The following WARS2 variants were observed in gnomAD, a reference collection of about 807,000 sequenced individuals.
The protein encoded by WARS2 is tryptophanyl tRNA synthetase 2, mitochondrial, also known as tryptophan--tRNA ligase, mitochondrial.
WARS2 carries 28 observed loss-of-function variants against 36.5 expected under a neutral mutation model. That is an observed-to-expected ratio of 0.77 (90% confidence interval 0.57 to 1.05). The LOEUF (loss-of-function observed/expected upper bound fraction) is 1.05. Among genes scored for constraint, WARS2 ranks in the 50% least tolerant of loss-of-function variants. The probability of loss-of-function intolerance (pLI) is 0.00; values close to 1 mark genes in which losing one functional copy is unlikely to be tolerated. For missense variants in WARS2, 435 were observed against 456.8 expected (o/e 0.95, Z 0.44); for synonymous variants, 174 against 178.4 (o/e 0.98, Z 0.20).
chr1:119,050,936 TA>T (rs1557942797), intron 2 of WARS2, among the ~76,000 whole-genome samples: 1 of 152,176 alleles, frequency 6.6e-6, no homozygotes, highest in Non-Finnish European at 1.5e-5. Context: ...ATAATGTTTT[TA>T]ATATAAAAAA....
intron 4 of WARS2, among the ~76,000 whole-genome samples, chr1:119,038,840 C>T (rs1648099949): frequency 6.6e-6 from 1 of 152,050 alleles, no homozygotes. Flanking sequence ...ACCACCACGC[C>T]CGGCTAATTT....
At position 119,101,773 on chromosome 1, in the gene WARS2, G is replaced by C. The variant is rs1653883050; in HGVS notation, c.91-25166C>G. Among the ~76,000 whole-genome samples the C allele has an allele frequency of 4.6e-5, 7 of 152,168 alleles. No homozygotes were observed. The East Asian group carries it at 1.4e-3, about 29-fold the overall frequency. ...CATTCTGATGAGGACACAAGAGCAG[G>C]AAAGAGCAGGCTCCTTAAGGGCCAC... On this transcript the variant is annotated intron_variant, in intron 1 of 5. Coordinates refer to ENST00000235521, the MANE Select transcript of WARS2 (RefSeq NM_015836.4).
chr1:119,081,490 ACAGT>A (rs1258092848), intron 1 of WARS2, among the ~76,000 whole-genome samples: 1 of 152,236 alleles, frequency 6.6e-6, no homozygotes, highest in Non-Finnish European at 1.5e-5. Context: ...TGTTTTAACT[ACAGT>A]CAAAGGTAAA....
At chr1:119,090,623 A>T (rs1652976308) in intron 1 of WARS2, among the ~76,000 whole-genome samples, 1 of 152,224 alleles carries the variant, frequency 6.6e-6, no homozygotes, top group African/African-American at 2.4e-5. Context: ...CTGTAATGCC[A>T]ATACTTTGGG....
chr1:119,071,374 C>G (rs575749361), intron 2 of WARS2, among the ~76,000 whole-genome samples: 1 of 152,232 alleles, frequency 6.6e-6, no homozygotes, highest in South Asian at 2.1e-4. Context: ...ATCAGTATGT[C>G]AAAGACACAT....
chr1:119,076,718 G>A, intron 1 of WARS2, 111 bp from the exon 2 acceptor site: 1 of 1,449,194 alleles, frequency 6.9e-7, no homozygotes, highest in East Asian at 2.3e-5. Flanking sequence ...ACTACAATCT[G>A]ACAGTCATCA....
intron 1 of WARS2, among the ~76,000 whole-genome samples, chr1:119,104,904 T>G (rs910840616): frequency 1.3e-5 from 2 of 152,126 alleles, no homozygotes; most frequent in African/African-American, 4.8e-5. Context: ...AGGCCTTGTA[T>G]GCTATGACAA....
At chr1:119,137,621 C>G (rs1407909278) in intron 1 of WARS2, among the ~76,000 whole-genome samples, 1 of 152,172 alleles carries the variant, frequency 6.6e-6, no homozygotes, top group Admixed American at 6.5e-5. Context: ...TGATGACAGG[C>G]TTAAATTTAC....
intron 1 of WARS2, among the ~76,000 whole-genome samples, chr1:119,123,909 T>C (rs1655488007): frequency 6.6e-6 from 1 of 152,082 alleles, no homozygotes; most frequent in African/African-American, 2.4e-5. Context: ...TACATCTCCA[T>C]CTATACCTCT....
In WARS2 at chr1:119,042,305, G is replaced by C; in HGVS notation, c.474C>G (p.Leu158=). The C allele has an allele frequency of 6.2e-7, 1 of 1,613,820 alleles. No homozygotes were observed. The highest frequency in any genetic ancestry group is 8.5e-7 in the Non-Finnish European group (1 of 1,179,906). The change falls in exon 4 of 6, where the codon CTC becomes CTG. Residue 158 remains leucine, a synonymous_variant. Coordinates refer to ENST00000235521, the MANE Select transcript of WARS2 (RefSeq NM_015836.4). ...KQKHDGTVGL[L]TYPVLQAADI... is the part of the protein sequence containing the mutation. ...CGGCTGCCTGGAGTACTGGGTATGT[G>C]AGCAGGCCCACCGTGCCATCGTGCT...
intron 2 of WARS2, among the ~76,000 whole-genome samples, chr1:119,066,439 T>C (rs762820770): frequency 5.0e-4 from 71 of 142,070 alleles, no homozygotes; most frequent in South Asian, 8.7e-4. Context: ...GATCATGCCA[T>C]TGCACTCCAG....
rs145024804 is a variant in WARS2 at position 119,125,402 on chromosome 1, C to T, written c.90+15153G>A. 3.9e-4 allele frequency among the ~76,000 whole-genome samples: 60 copies of T among 152,320 alleles called. 2 individuals are homozygous for T. In the South Asian group the frequency reaches 0.012, roughly 30 times the overall value. On this transcript the variant is annotated intron_variant, in intron 1 of 5. Transcript: ENST00000235521. ...CTCCATATCACTATTATCTAACATACTATATATCTTAATTACTTGTTGCCT... is the reference window on the plus strand; with the variant it reads ...CTCCATATCACTATTATCTAACATATTATATATCTTAATTACTTGTTGCCT...
intron 1 of WARS2, among the ~76,000 whole-genome samples, chr1:119,092,691 T>C (rs995408321): frequency 6.6e-6 from 1 of 152,220 alleles, no homozygotes; most frequent in African/African-American, 2.4e-5. Flanking sequence ...CTTTGGCAAG[T>C]ATTTGTGCCT....
chr1:119,034,241 A>C, intron 4 of WARS2, 28 bp from the exon 5 acceptor site: 1 of 1,567,056 alleles, frequency 6.4e-7, no homozygotes, highest in South Asian at 1.1e-5. Flanking sequence ...CAGAAAAACA[A>C]CAGCAAGGCT....
intron 2 of WARS2, among the ~76,000 whole-genome samples, chr1:119,070,380 G>A (rs112916202): frequency 5.3e-5 from 8 of 152,020 alleles, no homozygotes; most frequent in South Asian, 2.1e-4. Context: ...TCCTGCCTCA[G>A]CCTCCCTCCC....
intron 1 of WARS2, among the ~76,000 whole-genome samples, chr1:119,101,198 G>A (rs1653835458): frequency 6.6e-6 from 1 of 151,898 alleles, no homozygotes; most frequent in Non-Finnish European, 1.5e-5. Context: ...CTTGGATGAT[G>A]GACACCCTAA....
intron 1 of WARS2, among the ~76,000 whole-genome samples, chr1:119,082,168 G>C (rs1319309065): frequency 6.6e-6 from 1 of 152,186 alleles, no homozygotes; most frequent in Non-Finnish European, 1.5e-5. Flanking sequence ...CAATTAGACT[G>C]TGAGCTCCTT....
intron 2 of WARS2, among the ~76,000 whole-genome samples, chr1:119,066,418 C>G (rs1650868634): frequency 7.2e-6 from 1 of 138,404 alleles, no homozygotes; most frequent in South Asian, 2.2e-4. Flanking sequence ...GCAGAGCTTG[C>G]AGTGAGCTGA....
intron 2 of WARS2, among the ~76,000 whole-genome samples, chr1:119,053,831 G>A (rs1212293427): frequency 6.6e-6 from 1 of 152,090 alleles, no homozygotes; most frequent in African/African-American, 2.4e-5. Flanking sequence ...GATTGTTTCA[G>A]CCCAGGAATT....
Sources: allele counts gnomAD v4.1 joint callset (sites outside exome capture counted in the v4.1 genomes callset), GRCh38; gene constraint gnomAD v4.1.1; transcripts MANE v1.5; gene names NCBI Gene and HGNC (gene_info 2026-07-23, HGNC 2026-07-21).